Variants in PPP2R2B observed in about 807,000 individuals in gnomAD.
The protein encoded by PPP2R2B is serine/threonine-protein phosphatase 2A 55 kDa regulatory subunit B beta isoform.
Under a neutral mutation model 46.0 loss-of-function variants are expected in PPP2R2B, and 5 were observed. The observed-to-expected ratio is 0.11, with a 90% CI of 0.06 to 0.23. The LOEUF (loss-of-function observed/expected upper bound fraction) is 0.23, where lower values mean the gene tolerates loss of function less well. PPP2R2B is among the 10% of genes least tolerant of loss of function. The pLI is 1.00. For synonymous variants in PPP2R2B, 215 were observed against 206.7 expected (o/e 1.04, Z -0.34); for missense variants, 367 against 575.0 (o/e 0.64, Z 3.70).
At chr5:147,055,699 C>A (rs377462455) in exon 1 of PPP2R2B, 2 of 1,612,754 alleles carry the variant, frequency 1.2e-6, no homozygotes, top group Non-Finnish European at 1.7e-6. Flanking sequence ...GGATGGTGTT[C>A]GGAGGTCTGA....
intron 1 of PPP2R2B, among the ~76,000 whole-genome samples, chr5:146,988,377 A>T (rs1753528034): frequency 6.6e-6 from 1 of 151,974 alleles, no homozygotes; most frequent in Non-Finnish European, 1.5e-5. Flanking sequence ...CCACAACACA[A>T]GTCTTCACAA....
At chr5:146,905,642 C>T (rs1448095365) in intron 1 of PPP2R2B, among the ~76,000 whole-genome samples, 1 of 152,136 alleles carries the variant, frequency 6.6e-6, no homozygotes, top group African/African-American at 2.4e-5. Flanking sequence ...TACATCTATA[C>T]AATGTAATAC....
intron 1 of PPP2R2B, among the ~76,000 whole-genome samples, chr5:146,990,010 CTAGACA>C (rs1268882466): frequency 8.7e-6 from 1 of 114,968 alleles, no homozygotes; most frequent in Non-Finnish European, 2.2e-5. Flanking sequence ...TACAGAAATG[CTAGACA>C]TAATAACCAA....
At chr5:146,961,020 C>A (rs185556968) in intron 1 of PPP2R2B, among the ~76,000 whole-genome samples, 35 of 152,272 alleles carry the variant, frequency 2.3e-4, no homozygotes, top group African/African-American at 7.7e-4. Context: ...CTTGCCCCAG[C>A]TTTTATCCTC....
intron 7 of PPP2R2B, among the ~76,000 whole-genome samples, chr5:146,634,666 C>T (rs576755174): frequency 2.6e-5 from 4 of 152,010 alleles, no homozygotes; most frequent in South Asian, 4.2e-4. Context: ...ACACCACCAT[C>T]GGCTCTCCTG....
Position 146,584,199 on chromosome 5 carries a change from T to C in PPP2R2B, c.*5748A>G, listed in dbSNP as rs1050759306. On this transcript the variant is annotated 3_prime_UTR_variant, in exon 10 of 10. Transcript: ENST00000394411. Reference sequence around the variant, plus strand: ...CAGTGATCATTGCTTTGATTGCAGCTGAGGCAGGGATCAGCGGAGATGGCA... The same window carrying C: ...CAGTGATCATTGCTTTGATTGCAGCCGAGGCAGGGATCAGCGGAGATGGCA... The C allele has an allele frequency of 1.2e-4, 18 of 152,318 alleles. No homozygotes were observed. Among genetic ancestry groups the C allele is most frequent in the African/African-American group, 3.6e-4 (15 of 41,478 alleles). 9.4% of individuals were successfully genotyped at this position (152,318 alleles called of 1,614,324 possible).
rs72825208 is a variant in PPP2R2B, at chr5:146,877,576, C to A, written c.70+426G>T. 4.8e-3 allele frequency among the ~76,000 whole-genome samples: 723 copies of A among 152,190 alleles called. 12 individuals carry two copies. The South Asian group carries it at 0.05, about 10-fold the overall frequency. On this transcript the variant is annotated intron_variant, in intron 2 of 9. Transcript: ENST00000394411. ...GGAGATGAATGGGCAGGAAATGAAACCTTGCCCTCCCTGCAGCCACTGAGA... is the reference window on the plus strand; with the variant it reads ...GGAGATGAATGGGCAGGAAATGAAAACTTGCCCTCCCTGCAGCCACTGAGA...
At chr5:147,042,882 G>A (rs1304988874) in intron 1 of PPP2R2B, among the ~76,000 whole-genome samples, 4 of 152,034 alleles carry the variant, frequency 2.6e-5, no homozygotes, top group Admixed American at 1.3e-4. Flanking sequence ...CATTCCAGAC[G>A]GAGGGAGCCA....
intron 2 of PPP2R2B, among the ~76,000 whole-genome samples, chr5:146,864,524 T>C (rs1481546275): frequency 6.6e-6 from 1 of 150,960 alleles, no homozygotes; most frequent in Non-Finnish European, 1.5e-5. Flanking sequence ...TGAAGTTACC[T>C]ACTCACCAGT....
chr5:146,651,827 AAAAC>A (rs1775980014), intron 5 of PPP2R2B, among the ~76,000 whole-genome samples: 1 of 152,226 alleles, frequency 6.6e-6, no homozygotes, highest in Non-Finnish European at 1.5e-5. Flanking sequence ...GAGGAGAAGA[AAAAC>A]AAAAGTTAAA....
intron 1 of PPP2R2B, among the ~76,000 whole-genome samples, chr5:146,955,113 T>G (rs1285697325): frequency 6.6e-6 from 1 of 152,132 alleles, no homozygotes; most frequent in Non-Finnish European, 1.5e-5. Context: ...AAAACCATAA[T>G]TTAAACATAA....
intron 2 of PPP2R2B, among the ~76,000 whole-genome samples, chr5:146,852,854 G>C (rs547549776): frequency 6.6e-6 from 1 of 152,122 alleles, no homozygotes; most frequent in African/African-American, 2.4e-5. Context: ...TGACAAAAAA[G>C]CGGAGGCAGA....
At chr5:146,642,809 C>A (rs986996023) in intron 6 of PPP2R2B, among the ~76,000 whole-genome samples, 6 of 152,192 alleles carry the variant, frequency 3.9e-5, no homozygotes, top group African/African-American at 9.7e-5. Flanking sequence ...GCAATCCCAA[C>A]AAGTTGGGAG....
At chr5:146,703,610 T>A (rs936632322) in intron 2 of PPP2R2B, among the ~76,000 whole-genome samples, 1 of 152,170 alleles carries the variant, frequency 6.6e-6, no homozygotes, top group Non-Finnish European at 1.5e-5. Flanking sequence ...AAGATATTAC[T>A]CCAAGGGCAA....
At chr5:146,855,234 GC>G (rs1197187525) in intron 2 of PPP2R2B, among the ~76,000 whole-genome samples, 1 of 152,126 alleles carries the variant, frequency 6.6e-6, no homozygotes, top group Admixed American at 6.6e-5. Context: ...AGACCAGAGA[GC>G]AAAAGGTAAT....
intron 2 of PPP2R2B, among the ~76,000 whole-genome samples, chr5:147,065,004 G>T (rs940891720): frequency 6.6e-6 from 1 of 152,118 alleles, no homozygotes; most frequent in Non-Finnish European, 1.5e-5. Flanking sequence ...ATATGTATTT[G>T]CTAAGCATTA....
intron 1 of PPP2R2B, among the ~76,000 whole-genome samples, chr5:146,891,412 C>T (rs1377449205): frequency 1.3e-5 from 2 of 152,206 alleles, no homozygotes; most frequent in African/African-American, 2.4e-5. Flanking sequence ...TTTGTGAACA[C>T]TGTCATTGTC....
In PPP2R2B at chr5:146,780,390, C is replaced by T. The variant is rs1027347365; in HGVS notation, c.71-79248G>A. Among the ~76,000 whole-genome samples, 23 of 152,186 alleles carry T rather than the reference C, an allele frequency of 1.5e-4. 1 individual carries two copies. Among genetic ancestry groups the T allele is most frequent in the Admixed American group, 1.4e-3 (21 of 15,272 alleles). The stretch of plus-strand genomic sequence containing the variant: ...GTTGCTATCTTCCTAAAATTGAGAA[C>T]CAATGTTTGCTGAATGCCTCCATCC... On this transcript the variant is annotated intron_variant, in intron 2 of 9. Transcript: ENST00000394411.
chr5:146,595,835 C>A (rs1444393217), intron 8 of PPP2R2B, among the ~76,000 whole-genome samples: 2 of 152,178 alleles, frequency 1.3e-5, no homozygotes, highest in African/African-American at 2.4e-5. Context: ...CCTAGTATGA[C>A]TTTTCTATGA....
Sources: gnomAD v4.1 joint callset for allele counts (sites outside exome capture counted in the v4.1 genomes callset) on GRCh38, gnomAD v4.1.1 for gene constraint, MANE v1.5 for transcripts, NCBI Gene and HGNC (gene_info 2026-07-23, HGNC 2026-07-21) for gene names.